Variants in BOC observed in about 807,000 individuals in gnomAD.
BOC encodes BOC cell adhesion associated, oncogene regulated, also known as brother of CDO.
BOC carries 76 observed loss-of-function variants against 112.0 expected under a neutral mutation model. That is an observed-to-expected ratio of 0.68 (90% CI 0.56 to 0.82). The LOEUF is 0.82. Ranked by LOEUF, BOC falls within the 40% of genes least tolerant of loss-of-function variation. The probability of loss-of-function intolerance (pLI) is 0.00; values close to 1 mark genes in which losing one functional copy is unlikely to be tolerated. For missense variants in BOC, 1,309 were observed against 1,511.7 expected, an observed-to-expected ratio of 0.87 and a Z score of 2.22; for synonymous variants, 580 against 599.8, an observed-to-expected ratio of 0.97 and a Z score of 0.48.
chr3:113,240,626 A>G (rs555479233), intron 2 of BOC, among the ~76,000 whole-genome samples: 2 of 152,262 alleles, frequency 1.3e-5, no homozygotes, highest in South Asian at 4.1e-4. Flanking sequence ...CTTTTTTTCT[A>G]TCCTGATTTA....
chr3:113,242,201 G>T (rs895254937), intron 2 of BOC, among the ~76,000 whole-genome samples: 3 of 151,994 alleles, frequency 2.0e-5, no homozygotes, highest in Non-Finnish European at 2.9e-5. Context: ...TTGTCAAATT[G>T]AATTTATATG....
chr3:113,241,361 C>G (rs758543559), intron 2 of BOC, among the ~76,000 whole-genome samples: 1 of 152,146 alleles, frequency 6.6e-6, no homozygotes, highest in Non-Finnish European at 1.5e-5. Flanking sequence ...CAAACCTGCA[C>G]ACATCTGCAC....
intron 2 of BOC, among the ~76,000 whole-genome samples, chr3:113,225,081 A>G (rs1941428085): frequency 6.6e-6 from 1 of 151,724 alleles, no homozygotes; most frequent in Non-Finnish European, 1.5e-5. Flanking sequence ...CGTCTCAAAA[A>G]CAAAAACAAA....
chr3:113,254,482 A>C (rs564054753), intron 4 of BOC, among the ~76,000 whole-genome samples: 1 of 152,304 alleles, frequency 6.6e-6, no homozygotes, highest in East Asian at 1.9e-4. Context: ...ACGCAGCAGT[A>C]GATTAAGTTT....
intron 4 of BOC, among the ~76,000 whole-genome samples, chr3:113,261,544 T>C (rs183030104): frequency 5.9e-5 from 9 of 152,290 alleles, no homozygotes; most frequent in Non-Finnish European, 8.8e-5. Context: ...TTCATCTGGC[T>C]GCCAGACCCA....
chr3:113,223,623 C>G lies in BOC; in HGVS notation c.-82+7349C>G, dbSNP rs1056027485. On this transcript the variant is annotated intron_variant, in intron 2 of 19. Transcript: ENST00000682979. ...ACCTATTCATCTCCCCCTCCCTCCC[C>G]CAGCCCCTGGCAACCGCTGATCTAC... Among the ~76,000 whole-genome samples the G allele has an allele frequency of 5.3e-5, 8 of 152,322 alleles. No homozygotes were observed. In the East Asian group the frequency reaches 7.7e-4, roughly 15 times the overall value.
intron 2 of BOC, among the ~76,000 whole-genome samples, chr3:113,228,039 G>T (rs78982103): frequency 0.031 from 4,706 of 152,204 alleles, 110 homozygotes; most frequent in Middle Eastern, 0.044. Context: ...AGGTACTAGG[G>T]TTTGATTTGC....
At chr3:113,243,530 A>C (rs1376307748) in intron 2 of BOC, among the ~76,000 whole-genome samples, 2 of 152,120 alleles carry the variant, frequency 1.3e-5, no homozygotes, top group Non-Finnish European at 2.9e-5. Context: ...CATGTGTTTG[A>C]TTTATAAGTA....
intron 2 of BOC, among the ~76,000 whole-genome samples, chr3:113,231,932 T>C (rs1414480554): frequency 6.6e-6 from 1 of 152,206 alleles, no homozygotes; most frequent in Non-Finnish European, 1.5e-5. Context: ...GAAGGCTCTC[T>C]GCTCTCATGG....
intron 2 of BOC, among the ~76,000 whole-genome samples, chr3:113,235,134 C>T (rs1943247322): frequency 6.6e-6 from 1 of 152,204 alleles, no homozygotes; most frequent in Non-Finnish European, 1.5e-5. Context: ...TGTTTACATG[C>T]CTTTTGGCTA....
At chr3:113,276,413 G>A (rs1486350424) in intron 9 of BOC, among the ~76,000 whole-genome samples, 2 of 152,182 alleles carry the variant, frequency 1.3e-5, no homozygotes, top group Admixed American at 6.5e-5. Flanking sequence ...TACATGGGGC[G>A]CAGGGGAAGT....
intron 2 of BOC, among the ~76,000 whole-genome samples, chr3:113,231,929 C>G (rs1033760071): frequency 1.3e-5 from 2 of 152,196 alleles, no homozygotes; most frequent in African/African-American, 2.4e-5. Context: ...ATAGAAGGCT[C>G]TCTGCTCTCA....
intron 4 of BOC, chr3:113,252,081 T>C (rs1342792692): frequency 6.6e-6 from 1 of 152,170 alleles, no homozygotes; most frequent in African/African-American, 2.4e-5. Context: ...ATTGTATGTA[T>C]GGGCACGTGA....
At position 113,278,703 on chromosome 3, in the gene BOC, G is replaced by A; in HGVS notation, c.1736G>A (p.Ser579Asn). ...GRRPKPEIMASKEQQIQRDDP... is the reference protein window; with the variant it reads ...GRRPKPEIMANKEQQIQRDDP... ...CGGCCCAAACCCGAGATCATGGCCA[G>A]CAAAGAGCAGCAGATCCAGAGAGAC... Residue 579 changes from serine to asparagine, a missense_variant, in exon 11 of 20, where the codon AGC (serine) becomes AAC (asparagine). Transcript: ENST00000682979. The surrounding 1 kb of genome is among the most constrained non-coding windows in gnomAD (Gnocchi z 4.2). 1 of 1,571,070 alleles carries A rather than the reference G, an allele frequency of 6.4e-7. No individual in the cohort carries two copies. The highest frequency in any genetic ancestry group is 1.4e-5 in the African/African-American group (1 of 73,930).
chr3:113,212,707 T>A (rs371124932), intron 1 of BOC: 69 of 152,204 alleles, frequency 4.5e-4, no homozygotes, highest in African/African-American at 8.0e-4. Context: ...TGTGTGTGTG[T>A]GAGAGAGAGA....
intron 2 of BOC, among the ~76,000 whole-genome samples, chr3:113,240,768 T>C (rs1290393946): frequency 2.0e-5 from 3 of 152,236 alleles, no homozygotes; most frequent in African/African-American, 7.2e-5. Context: ...AGAAGTTTAC[T>C]GTGTTTCCTT....
intron 4 of BOC, among the ~76,000 whole-genome samples, chr3:113,265,434 T>C (rs1947365642): frequency 6.6e-6 from 1 of 152,030 alleles, no homozygotes; most frequent in South Asian, 2.1e-4. Flanking sequence ...TCACAGCGCC[T>C]GAGGAATTTT....
chr3:113,254,291 AAAG>A (rs1410672693), intron 4 of BOC, among the ~76,000 whole-genome samples: 25 of 152,254 alleles, frequency 1.6e-4, no homozygotes, highest in African/African-American at 4.3e-4. Flanking sequence ...GCCTGACTAG[AAAG>A]AAGAAGTGCT....
At position 113,278,777 on chromosome 3, in the gene BOC, C is replaced by T; in HGVS notation, c.1810C>T (p.Leu604Phe). 1 of 1,555,078 alleles carries T rather than the reference C, an allele frequency of 6.4e-7. No individual in the cohort carries two copies. The highest frequency in any genetic ancestry group is 8.7e-7 in the Non-Finnish European group (1 of 1,148,824). Residue 604 changes from leucine to phenylalanine, a missense_variant, in exon 11 of 20, where the codon CTC becomes TTC. Coordinates refer to ENST00000682979, the MANE Select transcript of BOC (RefSeq NM_001378074.1). The surrounding 1 kb of genome is among the most constrained non-coding windows in gnomAD (Gnocchi z 4.2). ...CAGCAGCCAGCCAGACCACGGCCGC[C>T]TCTCCCGTAAGCCGCTAGCAGCAGG... ...QSSSQPDHGR[L>F]SPPEAPDRPT...
Sources: allele counts gnomAD v4.1 joint callset (sites outside exome capture counted in the v4.1 genomes callset), GRCh38; gene constraint gnomAD v4.1.1; non-coding constraint Gnocchi (gnomAD v3.1); transcripts MANE v1.5; gene names NCBI Gene and HGNC (gene_info 2026-07-23, HGNC 2026-07-21).